PCDH15: variants seen among roughly 807,000 people sequenced by gnomAD.
PCDH15 encodes protocadherin related 15.
In PCDH15, 129 loss-of-function variants were observed where a neutral mutation model predicts 178.5. The observed-to-expected ratio is 0.72, with a 90% confidence interval of 0.63 to 0.84. The LOEUF is 0.84. PCDH15 is among the 40% of genes least tolerant of loss of function. PCDH15 has a pLI of 0.00. For missense variants in PCDH15, 2,230 were observed against 2,099.9 expected, an observed-to-expected ratio of 1.06 and a Z score of -1.21; for synonymous variants, 800 against 732.0, an observed-to-expected ratio of 1.09 and a Z score of -1.50.
At chr10:55,384,947 A>G (rs775387910) in intron 2 of PCDH15, among the ~76,000 whole-genome samples, 10 of 152,152 alleles carry the variant, frequency 6.6e-5, no homozygotes, top group Non-Finnish European at 1.2e-4. Flanking sequence ...CTAGCTACAT[A>G]TAGGTATATC....
chr10:55,229,795 T>C (rs1490224395), intron 1 of PCDH15, among the ~76,000 whole-genome samples: 1 of 152,028 alleles, frequency 6.6e-6, no homozygotes, highest in Non-Finnish European at 1.5e-5. Context: ...GACAGCAGAA[T>C]AAAATATTGA....
chr10:55,026,675 T>C (rs1368158082), intron 2 of PCDH15, among the ~76,000 whole-genome samples: 1 of 151,918 alleles, frequency 6.6e-6, no homozygotes, highest in Admixed American at 6.6e-5. Context: ...TAGGTAGTCA[T>C]GGCTTTAAAG....
At chr10:55,580,712 T>C (rs1363340582) in intron 2 of PCDH15, among the ~76,000 whole-genome samples, 1 of 152,186 alleles carries the variant, frequency 6.6e-6, no homozygotes, top group Non-Finnish European at 1.5e-5. Context: ...TACACATCTA[T>C]GAAACAAAAT....
At chr10:55,035,191 A>C (rs1840704524) in intron 2 of PCDH15, among the ~76,000 whole-genome samples, 1 of 151,514 alleles carries the variant, frequency 6.6e-6, no homozygotes, top group African/African-American at 2.5e-5. Context: ...CTTAATTTCA[A>C]AATGAAGAGT....
intron 2 of PCDH15, among the ~76,000 whole-genome samples, chr10:54,640,220 ATTTC>A (rs780619822): frequency 1.3e-5 from 2 of 152,146 alleles, no homozygotes; most frequent in African/African-American, 2.4e-5. Context: ...TTTAAACATA[ATTTC>A]TTTAACAGGA....
At chr10:55,443,835 G>A (rs187976886) in intron 2 of PCDH15, among the ~76,000 whole-genome samples, 224 of 152,188 alleles carry the variant, frequency 1.5e-3, no homozygotes, top group Non-Finnish European at 2.2e-3. Flanking sequence ...ACATGCACAT[G>A]TATGTTTATT....
intron 1 of PCDH15, among the ~76,000 whole-genome samples, chr10:54,727,011 A>C (rs1566054284): frequency 6.6e-6 from 1 of 151,260 alleles, no homozygotes; most frequent in Non-Finnish European, 1.5e-5. Flanking sequence ...TTAACCATGG[A>C]AATGTCTCCA....
intron 18 of PCDH15, among the ~76,000 whole-genome samples, chr10:54,062,257 A>AAAAAAAAAAAAT (rs2094042936): frequency 9.3e-6 from 1 of 107,522 alleles, no homozygotes; most frequent in Non-Finnish European, 2.0e-5. Flanking sequence ...AAAAAACAAA[A>AAAAAAAAAAAAT]AACAACTAAA....
intron 8 of PCDH15, among the ~76,000 whole-genome samples, chr10:54,295,454 C>G (rs1238440540): frequency 6.6e-6 from 1 of 152,146 alleles, no homozygotes; most frequent in Non-Finnish European, 1.5e-5. Context: ...TTCTTTGGCT[C>G]TTTGCAATAA....
chr10:54,985,082 A>C (rs1839330197), intron 2 of PCDH15, among the ~76,000 whole-genome samples: 1 of 152,196 alleles, frequency 6.6e-6, no homozygotes, highest in Non-Finnish European at 1.5e-5. Flanking sequence ...ATGTTAGGCT[A>C]AACCACGTGT....
chr10:54,810,284 T>C (rs1952842182), intron 3 of PCDH15, among the ~76,000 whole-genome samples: 1 of 152,140 alleles, frequency 6.6e-6, no homozygotes, highest in African/African-American at 2.4e-5. Context: ...TTTATTATTG[T>C]TTATTTTTCA....
At chr10:53,818,990 T>C (rs2076160855) in intron 33 of PCDH15, among the ~76,000 whole-genome samples, 1 of 143,046 alleles carries the variant, frequency 7.0e-6, no homozygotes. Flanking sequence ...TAAAAAAAAG[T>C]AAATACAATG....
intron 9 of PCDH15, among the ~76,000 whole-genome samples, chr10:54,233,660 G>T (rs990362396): frequency 6.6e-6 from 1 of 152,194 alleles, no homozygotes; most frequent in Admixed American, 6.5e-5. Flanking sequence ...TTATGGAGTT[G>T]TTCCATCTTG....
chr10:54,414,946 G>A (rs956259810), intron 3 of PCDH15, among the ~76,000 whole-genome samples: 20 of 152,014 alleles, frequency 1.3e-4, no homozygotes, highest in African/African-American at 4.8e-4. Flanking sequence ...ATAAAACCAG[G>A]AACGTATTAG....
intron 2 of PCDH15, among the ~76,000 whole-genome samples, chr10:54,597,278 T>C (rs1414422481): frequency 1.3e-5 from 2 of 151,868 alleles, no homozygotes; most frequent in Admixed American, 6.6e-5. Context: ...AAACATAGAA[T>C]TGAAGAACAA....
intron 8 of PCDH15, among the ~76,000 whole-genome samples, chr10:54,275,173 C>A (rs1187457739): frequency 6.7e-6 from 1 of 148,768 alleles, no homozygotes; most frequent in African/African-American, 2.5e-5. Context: ...TTGTCAGTGA[C>A]CTTTCAACAA....
chr10:54,386,919 A>G (rs1437817288), intron 3 of PCDH15, among the ~76,000 whole-genome samples: 1 of 152,156 alleles, frequency 6.6e-6, no homozygotes, highest in Non-Finnish European at 1.5e-5. Flanking sequence ...CAAGTTCAAG[A>G]GATTAATTTT....
At chr10:54,523,152 G>C (rs558890946) in intron 3 of PCDH15, among the ~76,000 whole-genome samples, 5 of 152,138 alleles carry the variant, frequency 3.3e-5, no homozygotes, top group African/African-American at 9.7e-5. Flanking sequence ...AAGGATTACT[G>C]TATGACAAAA....
intron 2 of PCDH15, among the ~76,000 whole-genome samples, chr10:54,621,475 T>C (rs1304153185): frequency 6.6e-6 from 1 of 152,018 alleles, no homozygotes; most frequent in Non-Finnish European, 1.5e-5. Context: ...GTCCCGTTGT[T>C]CTGAATTGTC....
Sources: gnomAD v4.1 joint callset for allele counts (sites outside exome capture counted in the v4.1 genomes callset) on GRCh38, gnomAD v4.1.1 for gene constraint, MANE v1.5 for transcripts, NCBI Gene and HGNC (gene_info 2026-07-23, HGNC 2026-07-21) for gene names.